The following NKAIN3 variants were observed in gnomAD, a reference collection of about 807,000 sequenced individuals.
NKAIN3 encodes sodium/potassium-transporting ATPase subunit beta-1-interacting protein 3.
A neutral mutation model predicts 30.2 loss-of-function variants in NKAIN3; 25 were observed. The ratio of observed to expected loss-of-function variants is 0.83; its 90% confidence interval spans 0.60 to 1.16. The LOEUF (loss-of-function observed/expected upper bound fraction) is 1.16. Ranked by LOEUF, NKAIN3 falls within the 50% of genes most tolerant of loss-of-function variation. NKAIN3 has a pLI of 0.00. For synonymous variants in NKAIN3, 91 were observed against 89.6 expected, an observed-to-expected ratio of 1.02 and a Z score of -0.09; for missense variants, 225 against 254.1, an observed-to-expected ratio of 0.89 and a Z score of 0.78.
chr8:62,997,897 C>T (rs951751031), intron 5 of NKAIN3, among the ~76,000 whole-genome samples: 1 of 152,048 alleles, frequency 6.6e-6, no homozygotes, highest in Non-Finnish European at 1.5e-5. Context: ...TTGTATTACC[C>T]CTTAGGGCTT....
At position 62,969,424 on chromosome 8, in the gene NKAIN3, A is replaced by G. The variant is rs563821479; in HGVS notation, c.*4017A>G. On this transcript the variant is annotated 3_prime_UTR_variant, in exon 7 of 7. Transcript: ENST00000623646. ...AAATTTCTCTTTTCAATCTTTGCAA[A>G]TTAAAAAGGAATCTTGCCAAGAATA... Among the ~76,000 whole-genome samples, 1 of 152,354 alleles carries G rather than the reference A, an allele frequency of 6.6e-6. No homozygotes were observed. The highest frequency in any genetic ancestry group is 2.1e-4 in the South Asian group (1 of 4,828).
At chr8:62,267,461 T>A (rs1481594675) in intron 1 of NKAIN3, among the ~76,000 whole-genome samples, 1 of 152,218 alleles carries the variant, frequency 6.6e-6, no homozygotes, top group African/African-American at 2.4e-5. Flanking sequence ...AGATAACATG[T>A]GACATTAATA....
chr8:62,743,202 T>A (rs1815962918), intron 3 of NKAIN3, among the ~76,000 whole-genome samples: 2 of 152,204 alleles, frequency 1.3e-5, no homozygotes, highest in Non-Finnish European at 2.9e-5. Flanking sequence ...AAGTGATTTG[T>A]GTTTCTTTTT....
At chr8:62,518,000 C>A (rs1390555755) in intron 1 of NKAIN3, among the ~76,000 whole-genome samples, 1 of 152,042 alleles carries the variant, frequency 6.6e-6, no homozygotes, top group Admixed American at 6.6e-5. Context: ...TGACTATAGT[C>A]ATATTCAGCC....
intron 1 of NKAIN3, among the ~76,000 whole-genome samples, chr8:62,490,318 C>G (rs1348891835): frequency 6.6e-6 from 1 of 152,186 alleles, no homozygotes; most frequent in Non-Finnish European, 1.5e-5. Context: ...ACCTGCCCTT[C>G]TTGATGGCCT....
rs1468993165 is a variant in NKAIN3 at position 62,983,329 on chromosome 8, A to AGGGCTCTGCACAAGCC, written c.*17931_*17946dup. On this transcript the variant is annotated 3_prime_UTR_variant, in exon 7 of 7. Coordinates refer to ENST00000623646, the MANE Select transcript of NKAIN3 (RefSeq NM_001304533.3). Reference sequence around the variant, plus strand: ...TCAAGGCCCTAAGAAAATCCCCAATAGGGCTCTGCACAAGCCGGGCTCTGA... The same window carrying AGGGCTCTGCACAAGCC: ...TCAAGGCCCTAAGAAAATCCCCAATAGGGCTCTGCACAAGCCGGGCTCTGCACAAGCCGGGCTCTGA... 20 of 152,114 alleles carry AGGGCTCTGCACAAGCC rather than the reference A, an allele frequency of 1.3e-4. No individual in the cohort carries two copies. Among genetic ancestry groups the AGGGCTCTGCACAAGCC allele is most frequent in the African/African-American group, 4.8e-4 (20 of 41,502 alleles). The allele number at this position is 152,114 out of a possible 1,614,324, so 9.4% of individuals were successfully genotyped here. A position where few individuals can be genotyped will look rare whatever the true frequency, so the allele number is the denominator to read the frequency against.
At chr8:62,264,843 C>A (rs540169628) in intron 1 of NKAIN3, among the ~76,000 whole-genome samples, 42 of 152,258 alleles carry the variant, frequency 2.8e-4, no homozygotes, top group African/African-American at 1.0e-3. Context: ...GGGACTGTAG[C>A]CTGGCTGCGT....
intron 3 of NKAIN3, among the ~76,000 whole-genome samples, chr8:62,709,146 G>A (rs537247183): frequency 2.0e-5 from 3 of 152,138 alleles, no homozygotes; most frequent in East Asian, 3.9e-4. Flanking sequence ...AAGGATTTTA[G>A]CATCATGTTC....
intron 1 of NKAIN3, among the ~76,000 whole-genome samples, chr8:62,368,089 G>A (rs1287273358): frequency 6.6e-6 from 1 of 152,014 alleles, no homozygotes; most frequent in Non-Finnish European, 1.5e-5. Context: ...TAAATGGAAA[G>A]ATATCTTATG....
chr8:62,288,913 G>A lies in NKAIN3; in HGVS notation c.54+39786G>A, dbSNP rs574303831. Among the ~76,000 whole-genome samples, 10 of 152,232 alleles carry A rather than the reference G, an allele frequency of 6.6e-5. No individual in the cohort carries two copies. In the South Asian group the frequency reaches 1.9e-3, roughly 28 times the overall value. On this transcript the variant is annotated intron_variant, in intron 1 of 6. Transcript: ENST00000623646. ...TCCTCCCCAGCATCTGTTGTTACCT[G>A]ACTTTTTAATGATCACCATTCTAAC...
chr8:62,655,121 A>G (rs913789271), intron 3 of NKAIN3, among the ~76,000 whole-genome samples: 4 of 152,202 alleles, frequency 2.6e-5, no homozygotes, highest in Non-Finnish European at 2.9e-5. Context: ...GCTTAAGGCT[A>G]TGATGACCAT....
intron 1 of NKAIN3, among the ~76,000 whole-genome samples, chr8:62,319,990 G>T (rs1228918209): frequency 6.6e-6 from 1 of 152,012 alleles, no homozygotes; most frequent in East Asian, 1.9e-4. Flanking sequence ...GGTCTCTAAG[G>T]ACTTGCTTTA....
intron 3 of NKAIN3, among the ~76,000 whole-genome samples, chr8:62,652,657 G>C (rs191249123): frequency 6.6e-6 from 1 of 152,240 alleles, no homozygotes; most frequent in Non-Finnish European, 1.5e-5. Flanking sequence ...GCTGGTTGCT[G>C]GTCTGGATCA....
chr8:62,856,912 G>T, intron 4 of NKAIN3: 1 of 579,204 alleles, frequency 1.7e-6, no homozygotes, highest in South Asian at 1.6e-5. Context: ...GTCAAAGGGA[G>T]TCAACTCATC....
intron 4 of NKAIN3, among the ~76,000 whole-genome samples, chr8:62,781,838 C>T (rs900046966): frequency 6.6e-6 from 1 of 151,764 alleles, no homozygotes; most frequent in Admixed American, 6.6e-5. Context: ...AACTATAAAA[C>T]CATTAGAAGA....
At chr8:62,274,483 G>A (rs898894123) in intron 1 of NKAIN3, among the ~76,000 whole-genome samples, 1 of 151,994 alleles carries the variant, frequency 6.6e-6, no homozygotes, top group Admixed American at 6.6e-5. Flanking sequence ...CGTTGGGGAA[G>A]GTCTCTGGTT....
At chr8:62,431,437 T>C (rs1031812342) in intron 1 of NKAIN3, among the ~76,000 whole-genome samples, 1 of 151,920 alleles carries the variant, frequency 6.6e-6, no homozygotes, top group Non-Finnish European at 1.5e-5. Context: ...TTTTTCTTAT[T>C]TGCCCAAAGT....
At chr8:62,771,692 G>A (rs1383381600) in intron 4 of NKAIN3, among the ~76,000 whole-genome samples, 8 of 152,032 alleles carry the variant, frequency 5.3e-5, no homozygotes, top group African/African-American at 2.4e-5. Context: ...CCTCAGGTAG[G>A]ATAAACACAA....
intron 4 of NKAIN3, among the ~76,000 whole-genome samples, chr8:62,811,954 T>TC (rs1818502052): frequency 6.6e-6 from 1 of 152,010 alleles, no homozygotes; most frequent in African/African-American, 2.4e-5. Flanking sequence ...TGTTTTTTTT[T>TC]CCCTAAAGCT....
Sources: allele counts gnomAD v4.1 joint callset (sites outside exome capture counted in the v4.1 genomes callset), GRCh38; gene constraint gnomAD v4.1.1; transcripts MANE v1.5; gene names NCBI Gene and HGNC (gene_info 2026-07-23, HGNC 2026-07-21).